The following ADGRG6 variants were observed in gnomAD, a reference collection of about 807,000 sequenced individuals.
The protein encoded by ADGRG6 is adhesion G protein-coupled receptor G6, also known as G-protein coupled receptor 126.
ADGRG6 carries 84 observed loss-of-function variants against 142.4 expected under a neutral mutation model. That is an observed-to-expected ratio of 0.59 (90% CI 0.49 to 0.71). The LOEUF (loss-of-function observed/expected upper bound fraction) is 0.71. ADGRG6 is among the 30% of genes least tolerant of loss of function. ADGRG6 has a pLI of 0.00. For missense variants in ADGRG6, 1,367 were observed against 1,466.6 expected (o/e 0.93, Z 1.11); for synonymous variants, 521 against 520.5 (o/e 1.00, Z -0.01).
At chr6:142,422,158 T>A (rs1776683171) in intron 22 of ADGRG6, among the ~76,000 whole-genome samples, 1 of 147,710 alleles carries the variant, frequency 6.8e-6, no homozygotes. Context: ...TATATCTAAT[T>A]TTTTCTCTTT....
intron 9 of ADGRG6, among the ~76,000 whole-genome samples, chr6:142,396,398 G>A (rs1775198148): frequency 6.6e-6 from 1 of 152,126 alleles, no homozygotes; most frequent in African/African-American, 2.4e-5. Flanking sequence ...AGTTAATTAT[G>A]AGAAGAGTAG....
intron 6 of ADGRG6, among the ~76,000 whole-genome samples, chr6:142,388,697 T>C (rs754696731): frequency 1.3e-5 from 2 of 152,088 alleles, no homozygotes; most frequent in African/African-American, 2.4e-5. Flanking sequence ...TATTGAATGC[T>C]GAACTTAAAG....
chr6:142,443,413 T>C lies in ADGRG6; in HGVS notation c.3651T>C (p.His1217=), dbSNP rs772726837. 2 of 1,611,346 alleles carry C rather than the reference T, an allele frequency of 1.2e-6. No homozygotes were observed. The highest frequency in any genetic ancestry group is 1.7e-6 in the Non-Finnish European group (2 of 1,177,628). Reference sequence around the variant, plus strand: ...ATCAAACATCAATCATCCCTGTCCATCAGGTCATTGATAAGGTCAAGGGTT... The same window carrying C: ...ATCAAACATCAATCATCCCTGTCCACCAGGTCATTGATAAGGTCAAGGGTT... The part of the protein sequence containing the change: ...DGDQTSIIPV[H]QVIDKVKGYC... The change falls in exon 25 of 25, where the codon CAT becomes CAC. Residue 1217 remains histidine, a synonymous_variant. Coordinates refer to ENST00000367609, the MANE Select transcript of ADGRG6 (RefSeq NM_198569.3).
intron 2 of ADGRG6, among the ~76,000 whole-genome samples, chr6:142,352,098 C>G (rs934112804): frequency 6.6e-6 from 1 of 152,138 alleles, no homozygotes; most frequent in Non-Finnish European, 1.5e-5. Flanking sequence ...ATTGGACCCA[C>G]CAGTCTCACT....
rs944485187 is a variant in ADGRG6, at chr6:142,445,333, A to G, written c.*1818A>G. The G allele has an allele frequency of 6.6e-6, 1 of 152,174 alleles. No individual in the cohort carries two copies. Among genetic ancestry groups the G allele is most frequent in the Non-Finnish European group, 1.5e-5 (1 of 68,028 alleles). The allele number at this position is 152,174 out of a possible 1,614,324, so 9.4% of individuals were successfully genotyped here. A position where few individuals can be genotyped will look rare whatever the true frequency, so the allele number is the denominator to read the frequency against. On this transcript the variant is annotated 3_prime_UTR_variant, in exon 25 of 25. Transcript: ENST00000367609. The stretch of plus-strand genomic sequence containing the variant: ...GAGCCAAATCCTTTTCAATAGGCAT[A>G]TATTAACAGGCTGCTTATTTTGGCG...
rs200854273 is a variant in ADGRG6, at chr6:142,407,297, G to GT, written c.2269-844dup. Reference sequence around the variant, plus strand: ...GAGGGCAAGGTACGATGGTGATGGTGTTTTTTTTTGTGTTTTACTGAAAGG... The same window carrying GT: ...GAGGGCAAGGTACGATGGTGATGGTGTTTTTTTTTTGTGTTTTACTGAAAGG... On this transcript the variant is annotated intron_variant, in intron 15 of 24. Coordinates refer to ENST00000367609, the MANE Select transcript of ADGRG6 (RefSeq NM_198569.3). Among the ~76,000 whole-genome samples, 578 of 150,356 alleles carry GT rather than the reference G, an allele frequency of 3.8e-3. 6 individuals carry two copies. The highest frequency in any genetic ancestry group is 6.8e-3 in the Middle Eastern group (2 of 294).
At chr6:142,410,029 G>A in intron 17 of ADGRG6, 110 bp downstream of exon 17, 1 of 461,340 alleles carries the variant, frequency 2.2e-6, no homozygotes, top group Non-Finnish European at 3.9e-6. Context: ...GAGTCACAAT[G>A]TAAGTGTAAA....
chr6:142,331,125 A>G (rs1277716761), intron 2 of ADGRG6, among the ~76,000 whole-genome samples: 5 of 149,168 alleles, frequency 3.4e-5, no homozygotes, highest in Non-Finnish European at 7.4e-5. Context: ...ACAGCAGGGT[A>G]GAAAAGAGTT....
At position 142,334,077 on chromosome 6, in the gene ADGRG6, G is replaced by A. The variant is rs1779194712; in HGVS notation, c.103+24433G>A. ...GGTTTTCCAACAAATGAATGGATAT[G>A]GCATCTGTTTTATGATAGTTTCAGG... On this transcript the variant is annotated intron_variant, in intron 2 of 24. Transcript: ENST00000367609. Among the ~76,000 whole-genome samples, 5 of 152,134 alleles carry A rather than the reference G, an allele frequency of 3.3e-5. No individual in the cohort carries two copies. The South Asian group carries it at 1.0e-3, about 32-fold the overall frequency.
At position 142,367,798 on chromosome 6, in the gene ADGRG6, T is replaced by C. The variant is rs1372316836; in HGVS notation, c.333T>C (p.Cys111=). The C allele has an allele frequency of 2.5e-6, 4 of 1,613,616 alleles. No individual in the cohort carries two copies. The highest frequency in any genetic ancestry group is 1.3e-5 in the African/African-American group (1 of 74,928). Residue 111 remains cysteine, a synonymous_variant, in exon 3 of 25, where the codon TGT becomes TGC. Transcript: ENST00000367609. ...LDNGESQTKF[C]GATAKGLSFN... is the part of the protein sequence containing the mutation. ...ATGGAGAGAGCCAGACTAAATTTTG[T>C]GGAGCAACTGCCAAAGGCCTATCAT...
chr6:142,377,226 T>G (rs1781543894), intron 4 of ADGRG6, among the ~76,000 whole-genome samples: 1 of 152,124 alleles, frequency 6.6e-6, no homozygotes, highest in African/African-American at 2.4e-5. Flanking sequence ...CAGGACTTTA[T>G]TGGGCAAAAA....
chr6:142,430,536 G>T (rs1777160774), intron 22 of ADGRG6, among the ~76,000 whole-genome samples: 1 of 152,100 alleles, frequency 6.6e-6, no homozygotes, highest in Non-Finnish European at 1.5e-5. Context: ...AGAAAGCCAT[G>T]GATCATAGCC....
In ADGRG6 at chr6:142,414,965, G is replaced by A; in HGVS notation, c.2542-4G>A. ...CTTACAGCTGCTCGCCATGTTTTAT[G>A]TAGGACCTTCCAAGAAGTGCCTCAC... On this transcript the variant is annotated splice_polypyrimidine_tract_variant and splice_region_variant and intron_variant, in intron 18 of 24. Transcript: ENST00000367609. 1.9e-6 allele frequency: 3 copies of A among 1,608,888 alleles called. No individual in the cohort carries two copies. The highest frequency in any genetic ancestry group is 2.2e-5 in the East Asian group (1 of 44,562).
At chr6:142,379,155 C>A (rs1781633962) in intron 4 of ADGRG6, among the ~76,000 whole-genome samples, 1 of 152,210 alleles carries the variant, frequency 6.6e-6, no homozygotes. Flanking sequence ...GTCTGCTCTT[C>A]TTCTGTTATT....
chr6:142,331,615 A>G (rs1779067496), intron 2 of ADGRG6, among the ~76,000 whole-genome samples: 2 of 152,332 alleles, frequency 1.3e-5, no homozygotes, highest in Non-Finnish European at 2.9e-5. Flanking sequence ...AGTGTTATTT[A>G]CAGAATGTAG....
chr6:142,333,701 G>A (rs1779177744), intron 2 of ADGRG6, among the ~76,000 whole-genome samples: 1 of 152,068 alleles, frequency 6.6e-6, no homozygotes, highest in Non-Finnish European at 1.5e-5. Flanking sequence ...ATATTACTTA[G>A]GGTTCTTATC....
chr6:142,423,467 A>G (rs1016474259), intron 22 of ADGRG6, among the ~76,000 whole-genome samples: 2 of 151,888 alleles, frequency 1.3e-5, no homozygotes, highest in African/African-American at 4.8e-5. Flanking sequence ...TTTGTCAAAG[A>G]TCAGATAGTT....
intron 8 of ADGRG6, 138 bp from the exon 9 acceptor site, chr6:142,393,758 G>A: frequency 1.7e-6 from 1 of 605,242 alleles, no homozygotes; most frequent in South Asian, 2.2e-5. Context: ...TCTGAAAGAA[G>A]CTAGAACCTC....
In ADGRG6 at chr6:142,445,696, G is replaced by T. The variant is rs1405228277; in HGVS notation, c.*2181G>T. On this transcript the variant is annotated 3_prime_UTR_variant, in exon 25 of 25. Coordinates refer to ENST00000367609, the MANE Select transcript of ADGRG6 (RefSeq NM_198569.3). ...GATTTGAAAGATTGAGCCAAATTCT[G>T]TTGTCAGTTCTAAGCATGCAGTTCT... is the stretch of plus-strand genomic sequence containing the variant. 6.6e-6 allele frequency: 1 copy of T among 152,150 alleles called. No homozygotes were observed. Among genetic ancestry groups the T allele is most frequent in the East Asian group, 1.9e-4 (1 of 5,198 alleles). 9.4% of individuals were successfully genotyped at this position (152,150 alleles called of 1,614,324 possible). A position where few individuals can be genotyped will look rare whatever the true frequency, so the allele number is the denominator to read the frequency against.
Sources: allele counts gnomAD v4.1 joint callset (sites outside exome capture counted in the v4.1 genomes callset), GRCh38; gene constraint gnomAD v4.1.1; transcripts MANE v1.5; gene names NCBI Gene and HGNC (gene_info 2026-07-23, HGNC 2026-07-21).